ZFYVE26: variants seen among roughly 807,000 people sequenced by gnomAD.
ZFYVE26 encodes zinc finger FYVE-type containing 26.
ZFYVE26 carries 181 observed loss-of-function variants against 276.5 expected under a neutral mutation model. The ratio of observed to expected loss-of-function variants is 0.65; its 90% CI spans 0.58 to 0.74. The LOEUF is 0.74. Ranked by LOEUF, ZFYVE26 falls within the 30% of genes least tolerant of loss-of-function variation. The pLI, the probability that ZFYVE26 is intolerant of heterozygous loss-of-function variation, is 0.00. For missense variants in ZFYVE26, 2,821 were observed against 3,097.9 expected, an observed-to-expected ratio of 0.91 and a Z score of 2.12; for synonymous variants, 1,129 against 1,203.1, an observed-to-expected ratio of 0.94 and a Z score of 1.27.
chr14:67,751,075 C>A lies in ZFYVE26; in HGVS notation c.7393G>T (p.Ala2465Ser), dbSNP rs2038626775. 4 of 1,614,168 alleles carry A rather than the reference C, an allele frequency of 2.5e-6. No individual in the cohort carries two copies. The East Asian group carries it at 8.9e-5, about 36-fold the overall frequency. ...PPQELEGLIQ[A>S]IHNDDNKVRA... Reference sequence around the variant, plus strand: ...ACCTTGTTGTCATCATTGTGTATTGCCTGGATCAGGCCCTCCAGCTCCTGT... The same window carrying A: ...ACCTTGTTGTCATCATTGTGTATTGACTGGATCAGGCCCTCCAGCTCCTGT... Residue 2465 changes from alanine to serine, a missense_variant, in exon 41 of 42, where the codon GCA (alanine) becomes TCA (serine). Coordinates refer to ENST00000347230, the MANE Select transcript of ZFYVE26 (RefSeq NM_015346.4).
intron 3 of ZFYVE26, 132 bp from the exon 4 acceptor site, chr14:67,809,421 T>TA: frequency 1.7e-6 from 1 of 587,318 alleles, no homozygotes; most frequent in Non-Finnish European, 2.8e-6. Context: ...TTTTTTTTTT[T>TA]TTTTTTTTTT....
chr14:67,798,680 A>T, intron 10 of ZFYVE26, 58 bp from the exon 11 acceptor site: 1 of 1,605,836 alleles, frequency 6.2e-7, no homozygotes, highest in East Asian at 2.2e-5. Context: ...GAATGCAAAC[A>T]TTAGAAACAT....
At chr14:67,788,653 T>TA (rs1296771294) in intron 16 of ZFYVE26, among the ~76,000 whole-genome samples, 4 of 152,208 alleles carry the variant, frequency 2.6e-5, no homozygotes, top group Non-Finnish European at 4.4e-5. Context: ...GATAAGCTGA[T>TA]TCTTGAGAGT....
At chr14:67,809,507 C>T (rs1245912065) in intron 3 of ZFYVE26, among the ~76,000 whole-genome samples, 1 of 150,106 alleles carries the variant, frequency 6.7e-6, no homozygotes, top group African/African-American at 2.5e-5. Context: ...ACCGCAACCT[C>T]CACCTCCCAG....
At chr14:67,759,370 T>C (rs2038874117) in intron 35 of ZFYVE26, among the ~76,000 whole-genome samples, 1 of 151,456 alleles carries the variant, frequency 6.6e-6, no homozygotes, top group Admixed American at 6.6e-5. Flanking sequence ...CTCACGCCTA[T>C]AATCCCAGCA....
intron 35 of ZFYVE26, among the ~76,000 whole-genome samples, chr14:67,759,137 T>C (rs377680024): frequency 7.0e-6 from 1 of 143,754 alleles, no homozygotes; most frequent in African/African-American, 2.6e-5. Context: ...CCTACCTACT[T>C]GGGAGGCTGA....
Position 67,762,378 on chromosome 14 carries a change from G to A in ZFYVE26, c.6194C>T (p.Ala2065Val), listed in dbSNP as rs200312607. Reference protein sequence around the residue: ...STKTGLDTTGAWHAWGMACLK... With the variant: ...STKTGLDTTGVWHAWGMACLK... ...GCAGGCCATGCCCCAAGCATGCCAC[G>A]CCCCGGTGGTATCAAGCCCAGTCTT... Residue 2065 changes from alanine (A) to valine (V), a missense_variant, in exon 34 of 42, where the codon GCG (alanine) becomes GTG (valine). Coordinates refer to ENST00000347230, the MANE Select transcript of ZFYVE26 (RefSeq NM_015346.4). 6.6e-5 allele frequency: 106 copies of A among 1,613,984 alleles called. No homozygotes were observed. Among genetic ancestry groups the A allele is most frequent in the African/African-American group, 6.7e-5 (5 of 74,926 alleles).
chr14:67,741,797 C>T (rs2038417682), downstream of ZFYVE26, among the ~76,000 whole-genome samples: 1 of 152,216 alleles, frequency 6.6e-6, no homozygotes, highest in Admixed American at 6.5e-5. Context: ...CCCTGACCTT[C>T]TCCTAATCAC....
intron 20 of ZFYVE26, 58 bp from the exon 21 acceptor site, chr14:67,783,583 G>C: frequency 1.9e-6 from 3 of 1,597,090 alleles, no homozygotes; most frequent in Non-Finnish European, 2.6e-6. Context: ...CCATTAACCA[G>C]TCTTACAATT....
intron 17 of ZFYVE26, 23 bp downstream of exon 17, chr14:67,786,091 G>GA (rs1187410566): frequency 1.9e-6 from 3 of 1,613,272 alleles, no homozygotes; most frequent in Non-Finnish European, 1.7e-6. Flanking sequence ...TCCAGGAGAA[G>GA]AAAAGAGAAA....
intron 25 of ZFYVE26, among the ~76,000 whole-genome samples, chr14:67,776,820 C>G (rs890201676): frequency 6.6e-5 from 10 of 152,180 alleles, no homozygotes; most frequent in African/African-American, 2.4e-4. Context: ...TTATGTAGTT[C>G]AACTCTTAGT....
chr14:67,800,002 C>T (rs188358685), intron 10 of ZFYVE26, among the ~76,000 whole-genome samples: 1 of 152,332 alleles, frequency 6.6e-6, no homozygotes, highest in African/African-American at 2.4e-5. Flanking sequence ...ACCTTCCAAA[C>T]ACTTGCTGGA....
intron 14 of ZFYVE26, among the ~76,000 whole-genome samples, chr14:67,791,917 A>G (rs143137039): frequency 0.046 from 6,932 of 151,898 alleles, 317 homozygotes; most frequent in African/African-American, 0.12. Context: ...AAAATTAGCC[A>G]GGAGTGGTGG....
At chr14:67,766,116 G>T in intron 32 of ZFYVE26, 111 bp downstream of exon 32, 2 of 1,059,636 alleles carry the variant, frequency 1.9e-6, no homozygotes, top group African/African-American at 1.6e-5. Context: ...AAATCTTTCA[G>T]CATGTCTTGT....
chr14:67,732,238 A>G (rs566763541), intron 13 of ZFYVE26, among the ~76,000 whole-genome samples: 8 of 151,916 alleles, frequency 5.3e-5, no homozygotes, highest in African/African-American at 1.7e-4. Flanking sequence ...GGAATTCCAT[A>G]CCAGCCTGGA....
intron 37 of ZFYVE26, among the ~76,000 whole-genome samples, 191 bp downstream of exon 37, chr14:67,754,860 T>A (rs984603734): frequency 1.3e-5 from 2 of 152,152 alleles, no homozygotes; most frequent in Non-Finnish European, 2.9e-5. Context: ...TAATCCTCCC[T>A]CCACTCCCAC....
At chr14:67,772,907 C>A (rs912029288) in intron 27 of ZFYVE26, among the ~76,000 whole-genome samples, 2 of 151,638 alleles carry the variant, frequency 1.3e-5, no homozygotes, top group Non-Finnish European at 2.9e-5. Context: ...GTTATAGTAG[C>A]CATGATCATA....
intron 35 of ZFYVE26, among the ~76,000 whole-genome samples, chr14:67,759,005 C>T (rs1042202416): frequency 2.6e-5 from 4 of 151,420 alleles, no homozygotes; most frequent in Non-Finnish European, 4.4e-5. Context: ...TTTGGGAGGC[C>T]GAGGCGGGCA....
chr14:67,785,950 C>T lies in ZFYVE26; in HGVS notation c.3212G>A (p.Ser1071Asn), dbSNP rs7156206. The T allele has an allele frequency of 1.3e-4, 204 of 1,614,220 alleles. 1 individual carries two copies. In the African/African-American group the frequency reaches 2.5e-3, roughly 20 times the overall value. The change falls in exon 18 of 42, where the codon AGC becomes AAC. Residue 1071 changes from serine (S) to asparagine (N), a missense_variant. Coordinates refer to ENST00000347230, the MANE Select transcript of ZFYVE26 (RefSeq NM_015346.4). ...GCTGGCAACACAGTCCTCGCTTAGG[C>T]TGGGCCAGCACATCTGAAGCAGTTC... Reference protein sequence around the residue: ...ITELLQMCWPSLSEDCVASHT... With the variant: ...ITELLQMCWPNLSEDCVASHT...
Sources: allele counts gnomAD v4.1 joint callset (sites outside exome capture counted in the v4.1 genomes callset), GRCh38; gene constraint gnomAD v4.1.1; transcripts MANE v1.5; gene names NCBI Gene and HGNC (gene_info 2026-07-23, HGNC 2026-07-21).